Variants in DEFB125 observed in about 807,000 individuals in gnomAD.
DEFB125 encodes beta-defensin 125.
Under a neutral mutation model 11.8 loss-of-function variants are expected in DEFB125, and 11 were observed. That is an observed-to-expected ratio of 0.94 (90% CI 0.59 to 1.55). The LOEUF (loss-of-function observed/expected upper bound fraction) is 1.55, where lower values mean the gene tolerates loss of function less well. Among genes scored for constraint, DEFB125 ranks in the 40% most tolerant of loss-of-function variants. The pLI, the probability that DEFB125 is intolerant of heterozygous loss-of-function variation, is 0.00. For synonymous variants in DEFB125, 79 were observed against 66.7 expected, an observed-to-expected ratio of 1.18 and a Z score of -0.90; for missense variants, 198 against 191.2, an observed-to-expected ratio of 1.04 and a Z score of -0.21.
At chr20:94,512 AC>A (rs1190237120) in intron 1 of DEFB125, among the ~76,000 whole-genome samples, 1 of 152,066 alleles carries the variant, frequency 6.6e-6, no homozygotes, top group Non-Finnish European at 1.5e-5. Flanking sequence ...CCTCACATGC[AC>A]AGTTCACAAT....
chr20:90,797 A>C (rs2054493428), intron 1 of DEFB125, among the ~76,000 whole-genome samples: 1 of 151,630 alleles, frequency 6.6e-6, no homozygotes, highest in South Asian at 2.1e-4. Flanking sequence ...TACTCAACCC[A>C]TAGAGCTTTG....
intron 1 of DEFB125, among the ~76,000 whole-genome samples, chr20:95,079 T>A (rs2054509877): frequency 6.6e-6 from 1 of 152,196 alleles, no homozygotes; most frequent in Non-Finnish European, 1.5e-5. Flanking sequence ...TTTCCTGATT[T>A]CTACATTTCT....
chr20:95,355 C>T (rs557657006), intron 1 of DEFB125, among the ~76,000 whole-genome samples: 84 of 152,090 alleles, frequency 5.5e-4, no homozygotes, highest in Non-Finnish European at 1.1e-3. Flanking sequence ...AATTTCTGTA[C>T]TTTAAATGCT....
intron 1 of DEFB125, among the ~76,000 whole-genome samples, chr20:91,204 G>C (rs1007322346): frequency 2.0e-5 from 3 of 152,006 alleles, no homozygotes; most frequent in African/African-American, 7.3e-5. Context: ...TATACTTTTT[G>C]TTGTTAATTC....
At chr20:95,954 G>T (rs917355535) in intron 1 of DEFB125, 51 bp from the exon 2 acceptor site, 2 of 1,498,334 alleles carry the variant, frequency 1.3e-6, no homozygotes, top group South Asian at 1.4e-5. Flanking sequence ...ATGAAAAGTT[G>T]TTATGTTGAT....
At chr20:89,243 TTA>T (rs963989880) in intron 1 of DEFB125, among the ~76,000 whole-genome samples, 2 of 152,212 alleles carry the variant, frequency 1.3e-5, no homozygotes, top group African/African-American at 2.4e-5. Context: ...CTATGATCTG[TTA>T]TGTCTTGATT....
intron 1 of DEFB125, among the ~76,000 whole-genome samples, chr20:93,503 C>T (rs2054504079): frequency 6.6e-6 from 1 of 152,162 alleles, no homozygotes; most frequent in Admixed American, 6.5e-5. Flanking sequence ...CACTCGGAAG[C>T]TGCTCTCCTC....
At chr20:91,601 G>C (rs1345614604) in intron 1 of DEFB125, among the ~76,000 whole-genome samples, 1 of 152,150 alleles carries the variant, frequency 6.6e-6, no homozygotes, top group East Asian at 1.9e-4. Context: ...CTGTGCCATA[G>C]TAGGGGCCCA....
chr20:96,285 T>A lies in DEFB125; in HGVS notation c.339T>A (p.Pro113=), dbSNP rs766063826. The part of the protein sequence containing the change: ...DTTKFGETMT[P]ETNTPETTMP... ...CTAAATTTGGAGAAACCATGACACC[T>A]GAGACCAATACTCCTGAGACTACTA... Residue 113 remains proline (P), a synonymous_variant, in exon 2 of 2, where the codon CCT becomes CCA. Coordinates refer to ENST00000382410, the MANE Select transcript of DEFB125 (RefSeq NM_153325.4). The A allele has an allele frequency of 6.2e-7, 1 of 1,614,156 alleles. No homozygotes were observed. The highest frequency in any genetic ancestry group is 8.5e-7 in the Non-Finnish European group (1 of 1,180,014).
At chr20:93,106 G>A (rs2054502600) in intron 1 of DEFB125, among the ~76,000 whole-genome samples, 1 of 151,834 alleles carries the variant, frequency 6.6e-6, no homozygotes, top group Non-Finnish European at 1.5e-5. Context: ...GAGTAGCTGG[G>A]ACTACAGGTG....
intron 1 of DEFB125, 54 bp downstream of exon 1, chr20:87,821 G>C (rs1160586150): frequency 1.3e-6 from 2 of 1,578,454 alleles, no homozygotes; most frequent in Admixed American, 3.3e-5. Context: ...GTTGCCCTTG[G>C]GCTCCCCTGG....
At chr20:88,396 G>T (rs1414364687) in intron 1 of DEFB125, among the ~76,000 whole-genome samples, 1 of 152,088 alleles carries the variant, frequency 6.6e-6, no homozygotes, top group Non-Finnish European at 1.5e-5. Context: ...TTTGAAAATT[G>T]TTAACTTTTT....
chr20:93,213 C>A (rs2054503087), intron 1 of DEFB125, among the ~76,000 whole-genome samples: 1 of 152,092 alleles, frequency 6.6e-6, no homozygotes, highest in Non-Finnish European at 1.5e-5. Flanking sequence ...AGGTGATCTG[C>A]CCGCCTCGAT....
chr20:95,865 C>T, intron 1 of DEFB125, 140 bp from the exon 2 acceptor site: 2 of 729,762 alleles, frequency 2.7e-6, no homozygotes, highest in Non-Finnish European at 2.2e-6. Context: ...TTTTTGTTCT[C>T]CTGTTTGTCT....
chr20:95,674 A>G (rs1029902802), intron 1 of DEFB125, among the ~76,000 whole-genome samples: 1 of 152,036 alleles, frequency 6.6e-6, no homozygotes, highest in Non-Finnish European at 1.5e-5. Flanking sequence ...TCTTCTTTGT[A>G]TATCTGGTAG....
chr20:88,104 T>C (rs533852280), intron 1 of DEFB125, among the ~76,000 whole-genome samples: 2 of 152,232 alleles, frequency 1.3e-5, no homozygotes, highest in South Asian at 2.1e-4. Flanking sequence ...ATCTATTTCA[T>C]TGTTGTGTCC....
chr20:88,109 G>A (rs1012851015), intron 1 of DEFB125, among the ~76,000 whole-genome samples: 18 of 152,040 alleles, frequency 1.2e-4, no homozygotes, highest in Admixed American at 4.6e-4. Flanking sequence ...TTTCATTGTT[G>A]TGTCCTATTA....
In DEFB125 at chr20:96,349, C is replaced by A; in HGVS notation, c.403C>A (p.Pro135Thr). 6.2e-7 allele frequency: 1 copy of A among 1,613,214 alleles called. No homozygotes were observed. The highest frequency in any genetic ancestry group is 8.5e-7 in the Non-Finnish European group (1 of 1,179,268). ...GGCCACTACTCCCGAGACTACTATG[C>A]CACCATCTGAGACTGCTACTTCCGA... The part of the protein sequence containing the change: ...SEATTPETTM[P>T]PSETATSETM... Residue 135 changes from proline (P) to threonine (T), a missense_variant, in exon 2 of 2, where the codon CCA (proline) becomes ACA (threonine). Transcript: ENST00000382410.
At chr20:92,378 G>A (rs2054499296) in intron 1 of DEFB125, among the ~76,000 whole-genome samples, 1 of 149,674 alleles carries the variant, frequency 6.7e-6, no homozygotes, top group Non-Finnish European at 1.5e-5. Context: ...CATTTCTCTT[G>A]TAAATGAACC....
Sources: allele counts gnomAD v4.1 joint callset (sites outside exome capture counted in the v4.1 genomes callset), GRCh38; gene constraint gnomAD v4.1.1; transcripts MANE v1.5; gene names NCBI Gene and HGNC (gene_info 2026-07-23, HGNC 2026-07-21).